Variants in SYT16 observed in about 807,000 individuals in gnomAD.
The protein encoded by SYT16 is synaptotagmin 16.
Under a neutral mutation model 61.4 loss-of-function variants are expected in SYT16, and 42 were observed. The ratio of observed to expected loss-of-function variants is 0.68; its 90% CI spans 0.53 to 0.89. The LOEUF (loss-of-function observed/expected upper bound fraction) is 0.89, where lower values mean the gene tolerates loss of function less well. Among genes scored for constraint, SYT16 ranks in the 40% least tolerant of loss-of-function variants. The pLI is 0.00. For missense variants in SYT16, 804 were observed against 807.3 expected, an observed-to-expected ratio of 1.00 and a Z score of 0.05; for synonymous variants, 314 against 302.3, an observed-to-expected ratio of 1.04 and a Z score of -0.40.
Position 62,058,035 on chromosome 14 carries a change from A to G in SYT16, c.524-11568A>G, listed in dbSNP as rs1020410595. 3.3e-5 allele frequency among the ~76,000 whole-genome samples: 5 copies of G among 152,204 alleles called. No individual in the cohort carries two copies. In the East Asian group the frequency reaches 9.6e-4, roughly 29 times the overall value. On this transcript the variant is annotated intron_variant, in intron 3 of 7. Transcript: ENST00000683842. ...TTATAAAAATGGAGTTATATAATGC[A>G]CATTCTTTTTACCTTTTTACCCACT...
chr14:61,891,368 A>T (rs780309367), intron 1 of SYT16, among the ~76,000 whole-genome samples: 11 of 151,914 alleles, frequency 7.2e-5, no homozygotes, highest in Non-Finnish European at 1.6e-4. Context: ...ATTTCAAGCC[A>T]ATTGTTTATT....
intron 1 of SYT16, chr14:61,864,998 CTGTT>C (rs2047097105): frequency 2.8e-6 from 4 of 1,403,562 alleles, no homozygotes. Context: ...CAGTGGCAGC[CTGTT>C]GCTCTTTGAT....
At chr14:62,094,044 G>C (rs1246832460) in intron 7 of SYT16, among the ~76,000 whole-genome samples, 1 of 152,146 alleles carries the variant, frequency 6.6e-6, no homozygotes, top group Non-Finnish European at 1.5e-5. Context: ...CAGCATGGGA[G>C]ATTTATTGCT....
intron 3 of SYT16, among the ~76,000 whole-genome samples, chr14:62,048,474 C>G (rs1479237103): frequency 6.6e-6 from 1 of 152,082 alleles, no homozygotes; most frequent in African/African-American, 2.4e-5. Flanking sequence ...GTCTCTATTT[C>G]CTTCAGTTCT....
At chr14:61,970,424 G>A (rs146002416) in intron 2 of SYT16, 113 bp downstream of exon 2, 1 of 152,148 alleles carries the variant, frequency 6.6e-6, no homozygotes, top group Non-Finnish European at 1.5e-5. Context: ...TGAAAGTAAT[G>A]TTCTCCCTAG....
At chr14:61,968,120 G>A (rs2051391882) in intron 1 of SYT16, among the ~76,000 whole-genome samples, 1 of 152,144 alleles carries the variant, frequency 6.6e-6, no homozygotes, top group Admixed American at 6.5e-5. Flanking sequence ...AATTAGCTGG[G>A]TATGGTGGCG....
intron 7 of SYT16, among the ~76,000 whole-genome samples, chr14:62,097,190 A>G (rs1158609066): frequency 1.3e-5 from 2 of 152,152 alleles, no homozygotes; most frequent in Non-Finnish European, 2.9e-5. Context: ...TAAATATTTT[A>G]GTACAAGTGG....
At chr14:61,812,844 G>C (rs1024655431) in intron 1 of SYT16, 34 bp downstream of exon 1, 1 of 152,238 alleles carries the variant, frequency 6.6e-6, no homozygotes, top group Non-Finnish European at 1.5e-5. Context: ...GCCAGGGGTG[G>C]GGGGAGGCCG....
At chr14:61,939,096 C>G (rs896538683) in intron 1 of SYT16, among the ~76,000 whole-genome samples, 3 of 152,188 alleles carry the variant, frequency 2.0e-5, no homozygotes, top group Admixed American at 1.3e-4. Context: ...GATCGTGCCA[C>G]TGCACTCCAG....
chr14:62,079,286 GA>G, intron 5 of SYT16: 1 of 970,854 alleles, frequency 1.0e-6, no homozygotes, highest in Non-Finnish European at 1.3e-6. Flanking sequence ...ATGCTCACAG[GA>G]AAGGATATAA....
intron 2 of SYT16, among the ~76,000 whole-genome samples, chr14:61,971,214 A>G (rs1159560437): frequency 6.6e-6 from 1 of 152,190 alleles, no homozygotes; most frequent in Admixed American, 6.5e-5. Flanking sequence ...ATAAAGGCAT[A>G]TTATCTACTG....
At position 62,016,839 on chromosome 14, in the gene SYT16, G is replaced by C. The variant is rs544231426; in HGVS notation, c.523+20297G>C. ...TGTTAACTTTATCTCTATTTCTGAT[G>C]TACATATTTGAGCTCTCCTGCTAAA... is the stretch of plus-strand genomic sequence containing the variant. On this transcript the variant is annotated intron_variant, in intron 3 of 7. Coordinates refer to ENST00000683842, the MANE Select transcript of SYT16 (RefSeq NM_001367656.1). 1.4e-4 allele frequency among the ~76,000 whole-genome samples: 21 copies of C among 152,152 alleles called. 1 individual carries two copies. Among genetic ancestry groups the C allele is most frequent in the Non-Finnish European group, 2.4e-4 (16 of 68,020 alleles).
At chr14:61,829,512 C>T (rs2045869112) in intron 1 of SYT16, among the ~76,000 whole-genome samples, 1 of 152,112 alleles carries the variant, frequency 6.6e-6, no homozygotes, top group Admixed American at 6.6e-5. Flanking sequence ...AATTCTTTCT[C>T]TGATCCTACT....
chr14:61,896,744 A>T (rs1362785232), intron 1 of SYT16, among the ~76,000 whole-genome samples: 1 of 152,236 alleles, frequency 6.6e-6, no homozygotes, highest in Non-Finnish European at 1.5e-5. Context: ...TTTCACTTAT[A>T]TATGTTGTGC....
At chr14:62,013,338 C>A (rs1216056438) in intron 3 of SYT16, among the ~76,000 whole-genome samples, 1 of 152,196 alleles carries the variant, frequency 6.6e-6, no homozygotes, top group Non-Finnish European at 1.5e-5. Context: ...AGTGCCCCCA[C>A]TTCCAGCCCA....
chr14:62,087,927 C>A (rs2056941891), intron 7 of SYT16, among the ~76,000 whole-genome samples: 1 of 152,152 alleles, frequency 6.6e-6, no homozygotes, highest in East Asian at 1.9e-4. Context: ...CGGCTCCAAC[C>A]AGAGCCTCCA....
At chr14:61,832,561 C>T (rs527923172) in intron 1 of SYT16, among the ~76,000 whole-genome samples, 9 of 152,224 alleles carry the variant, frequency 5.9e-5, no homozygotes, top group Admixed American at 1.3e-4. Context: ...CTCAGCCTCC[C>T]GAGTAGCTGG....
Position 61,847,920 on chromosome 14 carries a change from A to G in SYT16, c.-325+35110A>G, listed in dbSNP as rs183147492. ...TGCTTGTTTCTTTTTAATTATTTCA[A>G]TCTCTTTGTTACATTTATCTGATAG... On this transcript the variant is annotated intron_variant, in intron 1 of 7. Coordinates refer to ENST00000683842, the MANE Select transcript of SYT16 (RefSeq NM_001367656.1). Among the ~76,000 whole-genome samples the G allele has an allele frequency of 2.1e-3, 325 of 152,142 alleles. 1 individual carries two copies. The highest frequency in any genetic ancestry group is 7.5e-3 in the African/African-American group (313 of 41,488).
At chr14:61,869,684 A>G (rs2047268631) in intron 1 of SYT16, among the ~76,000 whole-genome samples, 1 of 152,164 alleles carries the variant, frequency 6.6e-6, no homozygotes, top group South Asian at 2.1e-4. Flanking sequence ...TGTAGGTGAA[A>G]GCTTTGGGAG....
Sources: gnomAD v4.1 joint callset for allele counts (sites outside exome capture counted in the v4.1 genomes callset) on GRCh38, gnomAD v4.1.1 for gene constraint, MANE v1.5 for transcripts, NCBI Gene and HGNC (gene_info 2026-07-23, HGNC 2026-07-21) for gene names.